Variants in MYO1E observed in about 807,000 individuals in gnomAD.
The protein encoded by MYO1E is myosin IE, also known as unconventional myosin-Ie.
Under a neutral mutation model 151.1 loss-of-function variants are expected in MYO1E, and 68 were observed. The observed-to-expected ratio is 0.45, with a 90% CI of 0.37 to 0.55. MYO1E has a LOEUF of 0.55. Among genes scored for constraint, MYO1E ranks in the 20% least tolerant of loss-of-function variants. MYO1E has a pLI of 0.00. For missense variants in MYO1E, 1,363 were observed against 1,389.3 expected (o/e 0.98, Z 0.30); for synonymous variants, 601 against 501.7 (o/e 1.20, Z -2.64).
At chr15:59,369,908 CAGA>C (rs1302797721) in intron 1 of MYO1E, among the ~76,000 whole-genome samples, 2 of 152,324 alleles carry the variant, frequency 1.3e-5, no homozygotes, top group East Asian at 1.9e-4. Context: ...CACACTCACA[CAGA>C]AGAAGTCCAC....
chr15:59,300,364 C>T (rs1323440500), intron 1 of MYO1E, among the ~76,000 whole-genome samples: 2 of 152,124 alleles, frequency 1.3e-5, no homozygotes, highest in African/African-American at 4.8e-5. Context: ...GGCACACACA[C>T]ACGGCCATTT....
At chr15:59,214,831 G>C (rs1368000425) in intron 10 of MYO1E, 111 bp from the exon 11 acceptor site, 1 of 836,690 alleles carries the variant, frequency 1.2e-6, no homozygotes, top group Non-Finnish European at 2.1e-6. Context: ...ACTGCTTGCA[G>C]GAAACAGAGG....
Position 59,223,173 on chromosome 15 carries a change from C to T in MYO1E, c.796G>A (p.Gly266Arg), listed in dbSNP as rs774165824. 1.9e-6 allele frequency: 3 copies of T among 1,614,186 alleles called. No individual in the cohort carries two copies. In the South Asian group the frequency reaches 3.3e-5, roughly 18 times the overall value. ...AGCGTTTGCTCTTCTGCAAAGATCC[C>T]AATCACATTCATGGCGTGCTGGAAG... ...QETLHAMNVI[G>R]IFAEEQTLVL... Residue 266 changes from glycine to arginine, a missense_variant, in exon 9 of 28, where the codon GGG becomes AGG. Coordinates refer to ENST00000288235, the MANE Select transcript of MYO1E (RefSeq NM_004998.4).
chr15:59,270,087 C>T (rs1444475522), intron 2 of MYO1E, among the ~76,000 whole-genome samples: 1 of 152,080 alleles, frequency 6.6e-6, no homozygotes, highest in Non-Finnish European at 1.5e-5. Flanking sequence ...TGTCTGTCAG[C>T]CATAGGTCAC....
chr15:59,253,871 C>T (rs1376521627), intron 4 of MYO1E, among the ~76,000 whole-genome samples: 2 of 147,670 alleles, frequency 1.4e-5, no homozygotes, highest in African/African-American at 5.0e-5. Context: ...CAATGCCAGA[C>T]TGTATAGTAA....
Position 59,175,947 on chromosome 15 carries a change from A to AAC in MYO1E, c.2050-1708_2050-1707insGT, listed in dbSNP as rs1566970966. 3.5e-4 allele frequency among the ~76,000 whole-genome samples: 53 copies of AAC among 152,180 alleles called. No homozygotes were observed. In the East Asian group the frequency reaches 4.1e-3, roughly 12 times the overall value. ...AGAATAAAAACCAAACCAAACCAAA[A>AAC]AACAACAACAGGAAAACACACAAAA... On this transcript the variant is annotated intron_variant, in intron 19 of 27. Coordinates refer to ENST00000288235, the MANE Select transcript of MYO1E (RefSeq NM_004998.4).
chr15:59,168,802 GTAGAGA>G (rs1566969241), intron 22 of MYO1E, among the ~76,000 whole-genome samples: 2 of 152,018 alleles, frequency 1.3e-5, no homozygotes, highest in African/African-American at 4.8e-5. Flanking sequence ...CACATTTTTT[GTAGAGA>G]TGGGTTCTTA....
chr15:59,280,642 T>G, intron 1 of MYO1E, among the ~76,000 whole-genome samples: 1 of 148,814 alleles, frequency 6.7e-6, no homozygotes, highest in East Asian at 2.0e-4. Flanking sequence ...AAAAAAAGGA[T>G]GTCTTATAAT....
intron 25 of MYO1E, among the ~76,000 whole-genome samples, chr15:59,155,964 G>A (rs1352882744): frequency 1.3e-5 from 2 of 151,998 alleles, no homozygotes; most frequent in African/African-American, 2.4e-5. Flanking sequence ...CTGCCTCCCC[G>A]GCTCAAATAA....
chr15:59,237,518 A>G (rs1462695129), intron 4 of MYO1E, among the ~76,000 whole-genome samples: 2 of 152,344 alleles, frequency 1.3e-5, no homozygotes, highest in Non-Finnish European at 1.5e-5. Context: ...CAGATTTTTC[A>G]TCTTTCTATT....
intron 1 of MYO1E, among the ~76,000 whole-genome samples, chr15:59,282,790 G>A (rs1412947731): frequency 6.9e-6 from 1 of 145,490 alleles, no homozygotes; most frequent in Non-Finnish European, 1.5e-5. Context: ...CAAGGCTGCA[G>A]TGAGCCGTGA....
intron 5 of MYO1E, among the ~76,000 whole-genome samples, chr15:59,236,091 C>T (rs1351895226): frequency 6.6e-6 from 1 of 151,932 alleles, no homozygotes; most frequent in African/African-American, 2.4e-5. Flanking sequence ...TCCTTAATCC[C>T]AGCACTTTGG....
chr15:59,151,114 GCTGT>G (rs1445560631), intron 26 of MYO1E, among the ~76,000 whole-genome samples: 5 of 151,862 alleles, frequency 3.3e-5, no homozygotes, highest in East Asian at 1.9e-4. Flanking sequence ...TCTACTGATG[GCTGT>G]CTGTGTGATA....
chr15:59,274,397 G>T (rs1178220356), intron 1 of MYO1E, among the ~76,000 whole-genome samples: 2 of 152,116 alleles, frequency 1.3e-5, no homozygotes. Flanking sequence ...AATGCCCATG[G>T]TCTACTTCCA....
intron 1 of MYO1E, 144 bp downstream of exon 1, chr15:59,372,354 A>G: frequency 2.0e-6 from 2 of 1,013,748 alleles, no homozygotes; most frequent in Non-Finnish European, 3.0e-6. Flanking sequence ...AGCGGCAGGA[A>G]ATCAGAGCTC....
At chr15:59,246,071 C>T (rs1004927985) in intron 4 of MYO1E, among the ~76,000 whole-genome samples, 2 of 152,026 alleles carry the variant, frequency 1.3e-5, no homozygotes, top group African/African-American at 4.8e-5. Context: ...ACCTACCAAG[C>T]CTTCAGGTGC....
intron 26 of MYO1E, among the ~76,000 whole-genome samples, chr15:59,145,431 A>G (rs546740590): frequency 4.1e-4 from 62 of 152,086 alleles, no homozygotes; most frequent in African/African-American, 1.4e-3. Flanking sequence ...AAAGCAATAA[A>G]TGCTCATCAT....
At chr15:59,193,958 C>T (rs1365243968) in intron 17 of MYO1E, among the ~76,000 whole-genome samples, 4 of 152,100 alleles carry the variant, frequency 2.6e-5, no homozygotes, top group South Asian at 2.1e-4. Flanking sequence ...AGTTGGATCA[C>T]GAAGTCAGGA....
intron 2 of MYO1E, among the ~76,000 whole-genome samples, chr15:59,268,718 GTATTTTTT>G (rs1283643766): frequency 8.3e-5 from 1 of 12,044 alleles, no homozygotes; most frequent in African/African-American, 1.4e-4. Flanking sequence ...GGTGACTTTG[GTATTTTTT>G]TTTTTTTTTT....
Sources: gnomAD v4.1 joint callset for allele counts (sites outside exome capture counted in the v4.1 genomes callset) on GRCh38, gnomAD v4.1.1 for gene constraint, MANE v1.5 for transcripts, NCBI Gene and HGNC (gene_info 2026-07-23, HGNC 2026-07-21) for gene names.